MED23: variants seen among roughly 807,000 people sequenced by gnomAD.
MED23 encodes the protein mediator of RNA polymerase II transcription subunit 23.
Under a neutral mutation model 163.9 loss-of-function variants are expected in MED23, and 105 were observed. That is an observed-to-expected ratio of 0.64 (90% CI 0.55 to 0.75). The LOEUF (loss-of-function observed/expected upper bound fraction) is 0.75. Ranked by LOEUF, MED23 falls within the 30% of genes least tolerant of loss-of-function variation. The pLI is 0.00. For missense variants in MED23, 1,054 were observed against 1,649.0 expected (o/e 0.64, Z 6.25); for synonymous variants, 561 against 565.6 (o/e 0.99, Z 0.12).
chr6:131,627,583 T>C (rs1777605888), intron 2 of MED23, 58 bp downstream of exon 2: 1 of 1,603,198 alleles, frequency 6.2e-7, no homozygotes, highest in Non-Finnish European at 8.5e-7. Flanking sequence ...CGAAACTAAG[T>C]AAAATCTGAC....
intron 6 of MED23, 37 bp from the exon 7 acceptor site, chr6:131,620,766 GT>G (rs1264490035): frequency 8.2e-7 from 1 of 1,218,836 alleles, no homozygotes; most frequent in Non-Finnish European, 1.2e-6. Context: ...TTCTTGACTA[GT>G]CCCACATATA....
chr6:131,627,886 G>A, intron 1 of MED23, 125 bp downstream of exon 1: 1 of 1,303,300 alleles, frequency 7.7e-7, no homozygotes, highest in South Asian at 1.2e-5. Context: ...CAACCTCGGT[G>A]TCAAAACAAG....
At chr6:131,583,599 A>G (rs1027561475), downstream of MED23, 12 of 1,532,582 alleles carry the variant, frequency 7.8e-6, no homozygotes, top group African/African-American at 1.5e-4. Flanking sequence ...CAGAATGTCC[A>G]TCAGTCACAT....
Position 131,627,407 on chromosome 6 carries a change from C to T in MED23, c.148G>A (p.Gly50Ser). ...AATGAAGCGCTCACCTGAGAAAGAC[C>T]ACCCCAAAACTGTCTGAAGGCCCCC... The part of the protein sequence containing the change: ...CLGAFRQFWG[G>S]LSQESHEQCI... The change falls in exon 3 of 29, where the codon GGT becomes AGT. Residue 50 changes from glycine (G) to serine (S), a missense_variant. Physicochemically the swap from Gly to Ser is moderately conservative, Grantham distance 56. This residue lies in a region of MED23 where 227 missense variants were observed against 235.5 expected (regional missense o/e 0.96). Transcript: ENST00000368068. 1.2e-6 allele frequency: 2 copies of T among 1,611,850 alleles called. No homozygotes were observed. Among genetic ancestry groups the T allele is most frequent in the Non-Finnish European group, 1.7e-6 (2 of 1,179,506 alleles).
chr6:131,625,099 A>G (rs187709424), intron 3 of MED23, 110 bp from the exon 4 acceptor site: 2 of 1,199,222 alleles, frequency 1.7e-6, no homozygotes, highest in South Asian at 1.3e-5. Context: ...ATACTTCACT[A>G]TGAGCATCTG....
intron 17 of MED23, among the ~76,000 whole-genome samples, chr6:131,601,508 A>G (rs1424363923): frequency 6.6e-6 from 1 of 152,218 alleles, no homozygotes; most frequent in Admixed American, 6.5e-5. Context: ...TGGATTCCAT[A>G]TTGCAGCTAA....
At chr6:131,584,160 T>C (rs2114552870), downstream of MED23, 1 of 466,022 alleles carries the variant, frequency 2.1e-6, no homozygotes. Context: ...TGTACATTGA[T>C]TTCCAATTAA....
chr6:131,622,905 A>C (rs1777212331), intron 5 of MED23, among the ~76,000 whole-genome samples: 1 of 152,176 alleles, frequency 6.6e-6, no homozygotes, highest in Admixed American at 6.6e-5. Flanking sequence ...AAAACTAGAA[A>C]GTGTATGTTG....
At chr6:131,615,318 A>G (rs1467898063) in intron 10 of MED23, 1 of 1,612,052 alleles carries the variant, frequency 6.2e-7, no homozygotes, top group Non-Finnish European at 8.5e-7. Context: ...AAGGTTGTGA[A>G]CATACCTGAG....
In MED23 at chr6:131,616,011, A is replaced by C; in HGVS notation, c.781-9T>G. The C allele has an allele frequency of 1.9e-6, 3 of 1,590,602 alleles. No individual in the cohort carries two copies. The highest frequency in any genetic ancestry group is 2.6e-6 in the Non-Finnish European group (3 of 1,159,170). ...TGTGGTTCAAACAGATCCTTTAAAG[A>C]AAATAAGAAAATCATTGCTTCAAGA... On this transcript the variant is annotated splice_polypyrimidine_tract_variant and intron_variant, in intron 9 of 28. Transcript: ENST00000368068.
intron 1 of MED23, 142 bp downstream of exon 1, chr6:131,627,869 C>A: frequency 8.4e-7 from 1 of 1,184,972 alleles, no homozygotes; most frequent in Non-Finnish European, 1.3e-6. Context: ...CTAAACTTCC[C>A]CGCATACAAC....
Position 131,596,031 on chromosome 6 carries a change from T to C in MED23, c.2911A>G (p.Ile971Val). ...GGAAGCAACTCTAAAAATCTGTGGA[T>C]TACTATATCAAATACTGGAAGGAAT... Reference protein sequence around the residue: ...LRFLPVFDIVIHRFLELLPVS... With the variant: ...LRFLPVFDIVVHRFLELLPVS... Residue 971 changes from isoleucine (I) to valine (V), a missense_variant, in exon 22 of 29, where the codon ATC becomes GTC. Ile to Val is a conservative substitution (Grantham distance 29). Around this residue, in one of 11 missense-constraint regions of MED23, gnomAD observed 228 missense variants for 461.3 expected, o/e 0.49. Coordinates refer to ENST00000368068, the MANE Select transcript of MED23 (RefSeq NM_004830.4). 1 of 1,613,936 alleles carries C rather than the reference T, an allele frequency of 6.2e-7. No individual in the cohort carries two copies. Among genetic ancestry groups the C allele is most frequent in the Non-Finnish European group, 8.5e-7 (1 of 1,179,928 alleles).
At chr6:131,583,637 G>T (rs770684425), downstream of MED23, 7 of 1,517,788 alleles carry the variant, frequency 4.6e-6, no homozygotes, top group African/African-American at 8.4e-5. Context: ...GTTTTCCATC[G>T]GTTACTACCT....
intron 12 of MED23, among the ~76,000 whole-genome samples, chr6:131,607,058 ATAAT>A (rs1222770082): frequency 6.6e-6 from 1 of 152,086 alleles, no homozygotes; most frequent in East Asian, 1.9e-4. Flanking sequence ...CGCAACCTAA[ATAAT>A]TACATTTAAA....
At chr6:131,615,743 A>C (rs1411410425) in intron 10 of MED23, 164 bp downstream of exon 10, 1 of 670,264 alleles carries the variant, frequency 1.5e-6, no homozygotes, top group Non-Finnish European at 2.6e-6. Context: ...TTAAAGCAAT[A>C]TATAAATGAT....
In MED23 at chr6:131,587,432, C is replaced by G; in HGVS notation, c.*247G>C. Reference sequence around the variant, plus strand: ...CAGATACCTCTATGTTCCTACATAGCTCTAATAAGTTGTTATGAATATGAA... The same window carrying G: ...CAGATACCTCTATGTTCCTACATAGGTCTAATAAGTTGTTATGAATATGAA... On this transcript the variant is annotated 3_prime_UTR_variant, in exon 29 of 29. Coordinates refer to ENST00000368068, the MANE Select transcript of MED23 (RefSeq NM_004830.4). The G allele has an allele frequency of 7.5e-7, 1 of 1,328,222 alleles. No individual in the cohort carries two copies. The highest frequency in any genetic ancestry group is 1.6e-5 in the South Asian group (1 of 62,590). The allele number at this position is 1,328,222 out of a possible 1,614,324, so 82.3% of individuals were successfully genotyped here.
chr6:131,604,827 G>A (rs1775738966), intron 14 of MED23, among the ~76,000 whole-genome samples: 1 of 152,158 alleles, frequency 6.6e-6, no homozygotes, highest in Non-Finnish European at 1.5e-5. Flanking sequence ...GAGGCCCACA[G>A]ACAAATTCTC....
intron 22 of MED23, among the ~76,000 whole-genome samples, chr6:131,595,527 T>C (rs1774982428): frequency 6.6e-6 from 1 of 152,238 alleles, no homozygotes; most frequent in Non-Finnish European, 1.5e-5. Context: ...TTTCCAATCT[T>C]ATTTCTAGAA....
At chr6:131,578,197 A>AC (rs1773723053) in intron 30 of MED23, among the ~76,000 whole-genome samples, 2 of 151,850 alleles carry the variant, frequency 1.3e-5, no homozygotes, top group African/African-American at 4.8e-5. Flanking sequence ...AAAAAAAAAA[A>AC]AAAAAGACAA....
Sources: gnomAD v4.1 joint callset for allele counts (sites outside exome capture counted in the v4.1 genomes callset) on GRCh38, gnomAD v4.1.1 for gene constraint, gnomAD v4.1.1 regional missense constraint, MANE v1.5 for transcripts, NCBI Gene and HGNC (gene_info 2026-07-23, HGNC 2026-07-21) for gene names.